The following ZBTB20 variants were observed in gnomAD, a reference collection of about 807,000 sequenced individuals.
ZBTB20 encodes the protein zinc finger and BTB domain containing 20, also known as zinc finger and BTB domain-containing protein 20.
A neutral mutation model predicts 56.9 loss-of-function variants in ZBTB20; 9 were observed. That is an observed-to-expected ratio of 0.16 (90% CI 0.10 to 0.28). The LOEUF (loss-of-function observed/expected upper bound fraction) is 0.28. ZBTB20 is among the 10% of genes least tolerant of loss of function. The pLI is 1.00. For synonymous variants in ZBTB20, 417 were observed against 420.7 expected (o/e 0.99, Z 0.11); for missense variants, 655 against 1,003.0 (o/e 0.65, Z 4.69).
At chr3:114,764,131 C>T (rs1197759242) in intron 5 of ZBTB20, among the ~76,000 whole-genome samples, 3 of 152,002 alleles carry the variant, frequency 2.0e-5, no homozygotes, top group Non-Finnish European at 4.4e-5. Flanking sequence ...ATTAATGAGT[C>T]AGCAAAAATG....
intron 4 of ZBTB20, among the ~76,000 whole-genome samples, chr3:114,822,879 T>C (rs1246089080): frequency 6.6e-6 from 1 of 152,100 alleles, no homozygotes; most frequent in Non-Finnish European, 1.5e-5. Flanking sequence ...AGTCAAATTA[T>C]ATGACTAGGT....
intron 1 of ZBTB20, among the ~76,000 whole-genome samples, chr3:115,097,564 T>C (rs2083426326): frequency 6.6e-6 from 1 of 152,156 alleles, no homozygotes; most frequent in Admixed American, 6.5e-5. Context: ...CAAATTGTTT[T>C]AGCTACAGGG....
In ZBTB20 at chr3:115,064,443, CTTT is replaced by C. The variant is rs34098178; in HGVS notation, c.-507+6773_-507+6775del. Among the ~76,000 whole-genome samples, 282 of 78,044 alleles carry C rather than the reference CTTT, an allele frequency of 3.6e-3. 2 individuals are homozygous for C. The highest frequency in any genetic ancestry group is 0.014 in the African/African-American group (269 of 18,692). The allele number at this position is 78,044 out of a possible 152,430, so 51.2% of individuals were successfully genotyped here. On this transcript the variant is annotated intron_variant, in intron 2 of 11. Coordinates refer to ENST00000675478, the MANE Select transcript of ZBTB20 (RefSeq NM_001348800.3). ...TTAAAAGTAATTTTCTCTCATAATT[CTTT>C]TTTTTTTTTTTTTTTTTTTTTTGAG...
At chr3:114,536,668 AC>A (rs1309724754) in intron 6 of ZBTB20, among the ~76,000 whole-genome samples, 1 of 151,968 alleles carries the variant, frequency 6.6e-6, no homozygotes, top group Non-Finnish European at 1.5e-5. Context: ...TCAAAAAAGA[AC>A]CCATATAGCC....
At chr3:115,028,204 T>A (rs1241854098) in intron 2 of ZBTB20, among the ~76,000 whole-genome samples, 1 of 150,688 alleles carries the variant, frequency 6.6e-6, no homozygotes, top group African/African-American at 2.4e-5. Flanking sequence ...TTTCATTAAG[T>A]TTTCAAGGAT....
intron 3 of ZBTB20, among the ~76,000 whole-genome samples, chr3:114,957,875 C>T (rs1165135463): frequency 2.6e-5 from 4 of 152,162 alleles, no homozygotes; most frequent in Non-Finnish European, 4.4e-5. Flanking sequence ...TTATCTGGGA[C>T]GTGTACACTG....
At chr3:114,390,396 C>G (rs2085729179) in intron 7 of ZBTB20, among the ~76,000 whole-genome samples, 1 of 152,164 alleles carries the variant, frequency 6.6e-6, no homozygotes, top group African/African-American at 2.4e-5. Flanking sequence ...TAGTGACACC[C>G]ATTGATCTGG....
At position 114,339,094 on chromosome 3, in the gene ZBTB20, T is replaced by C. The variant is rs748028886; in HGVS notation, c.2137A>G (p.Thr713Ala). The change falls in exon 12 of 12, where the codon ACC becomes GCC. Residue 713 changes from threonine (T) to alanine (A), a missense_variant. Thr to Ala is a moderately conservative substitution (Grantham distance 58). This residue lies in a region of ZBTB20 where 89 missense variants were observed against 79.7 expected (regional missense o/e 1.12). Transcript: ENST00000675478. The surrounding 1 kb of genome is among the most constrained non-coding windows in gnomAD (Gnocchi z 4.2). ...GGGCAGACGGAGCAGACGTAAGTGG[T>C]CCCCTCCGTGCAGGCCACCACGCCT... ...PPGVVACTEG[T>A]TYVCSVCPAK... 2 of 1,592,394 alleles carry C rather than the reference T, an allele frequency of 1.3e-6. No individual in the cohort carries two copies. Among genetic ancestry groups the C allele is most frequent in the Admixed American group, 3.4e-5 (2 of 58,532 alleles).
chr3:114,944,283 C>T (rs1348245659), intron 3 of ZBTB20, among the ~76,000 whole-genome samples: 7 of 145,520 alleles, frequency 4.8e-5, no homozygotes, highest in Non-Finnish European at 1.0e-4. Flanking sequence ...ACAATGAGAT[C>T]ACCTCACACC....
At chr3:114,807,799 A>G (rs1178953501) in intron 4 of ZBTB20, among the ~76,000 whole-genome samples, 2 of 152,060 alleles carry the variant, frequency 1.3e-5, no homozygotes, top group Non-Finnish European at 2.9e-5. Context: ...TGCATTAATT[A>G]ATTATTGGAT....
At chr3:114,470,821 T>C (rs1357097232) in intron 7 of ZBTB20, among the ~76,000 whole-genome samples, 3 of 152,132 alleles carry the variant, frequency 2.0e-5, no homozygotes, top group African/African-American at 7.2e-5. Flanking sequence ...CTTAATACAA[T>C]TGGTTATCAG....
At chr3:115,035,213 A>T (rs1293769137) in intron 2 of ZBTB20, among the ~76,000 whole-genome samples, 2 of 152,096 alleles carry the variant, frequency 1.3e-5, no homozygotes, top group East Asian at 3.8e-4. Flanking sequence ...AAAAAGACAA[A>T]TTGAGCTTCA....
chr3:114,380,937 T>A lies in ZBTB20; in HGVS notation c.-150A>T. ...TTCACCTCTCTGGGCTTCAGTTTCC[T>A]CATCTGTAAAATAAAGGGCTTGGAT... On this transcript the variant is annotated 5_prime_UTR_variant, in exon 9 of 12. Coordinates refer to ENST00000675478, the MANE Select transcript of ZBTB20 (RefSeq NM_001348800.3). The A allele has an allele frequency of 3.8e-6, 2 of 528,022 alleles. No homozygotes were observed. The highest frequency in any genetic ancestry group is 6.0e-6 in the Non-Finnish European group (2 of 331,272). 32.7% of individuals were successfully genotyped at this position (528,022 alleles called of 1,614,324 possible).
chr3:114,408,105 A>G (rs1334934047), intron 7 of ZBTB20, among the ~76,000 whole-genome samples: 1 of 152,166 alleles, frequency 6.6e-6, no homozygotes, highest in Non-Finnish European at 1.5e-5. Context: ...GTTTATTTGA[A>G]CTGATGAAAT....
chr3:114,396,606 C>A (rs1237740374), intron 7 of ZBTB20, among the ~76,000 whole-genome samples: 1 of 152,116 alleles, frequency 6.6e-6, no homozygotes, highest in African/African-American at 2.4e-5. Flanking sequence ...GAGTTAAGGG[C>A]CAGGTTCTAA....
chr3:114,740,278 G>T (rs2066477752), intron 5 of ZBTB20, among the ~76,000 whole-genome samples: 1 of 152,082 alleles, frequency 6.6e-6, no homozygotes, highest in Non-Finnish European at 1.5e-5. Flanking sequence ...GGTGTGTCTA[G>T]GATCTCATTC....
At chr3:114,686,045 A>T (rs1319426550) in intron 6 of ZBTB20, among the ~76,000 whole-genome samples, 1 of 152,208 alleles carries the variant, frequency 6.6e-6, no homozygotes, top group Non-Finnish European at 1.5e-5. Context: ...AAAGCTGCTT[A>T]AAATAAGTGA....
intron 2 of ZBTB20, among the ~76,000 whole-genome samples, chr3:115,044,134 G>A (rs2081252397): frequency 6.6e-6 from 1 of 152,114 alleles, no homozygotes; most frequent in Admixed American, 6.6e-5. Flanking sequence ...AGAACTATGA[G>A]CCAATTAAAC....
chr3:114,723,128 T>A (rs1462448798), intron 5 of ZBTB20, among the ~76,000 whole-genome samples: 2 of 152,186 alleles, frequency 1.3e-5, no homozygotes, highest in Non-Finnish European at 2.9e-5. Flanking sequence ...AAGATACATT[T>A]GCAAGGTTAT....
Sources: gnomAD v4.1 joint callset for allele counts (sites outside exome capture counted in the v4.1 genomes callset) on GRCh38, gnomAD v4.1.1 for gene constraint, gnomAD v4.1.1 regional missense constraint, Gnocchi (gnomAD v3.1) non-coding constraint, MANE v1.5 for transcripts, NCBI Gene and HGNC (gene_info 2026-07-23, HGNC 2026-07-21) for gene names.